Variants in SAMD11 observed in about 807,000 individuals in gnomAD.
SAMD11 encodes sterile alpha motif domain-containing protein 11.
In SAMD11, 77 loss-of-function variants were observed where a neutral mutation model predicts 64.4. That is an observed-to-expected ratio of 1.20 (90% CI 0.99 to 1.44). SAMD11 has a LOEUF of 1.44. Ranked by LOEUF, SAMD11 falls within the 40% of genes most tolerant of loss-of-function variation. The probability of loss-of-function intolerance (pLI) is 0.00; values close to 1 mark genes in which losing one functional copy is unlikely to be tolerated. For missense variants in SAMD11, 1,402 were observed against 943.3 expected (o/e 1.49, Z -6.37); for synonymous variants, 658 against 421.9 (o/e 1.56, Z -6.86).
intron 5 of SAMD11, among the ~76,000 whole-genome samples, chr1:938,086 G>C (rs1284792691): frequency 6.6e-6 from 1 of 152,014 alleles, no homozygotes; most frequent in Non-Finnish European, 1.5e-5. Context: ...GCACTGGCTG[G>C]CCTGGGAGAC....
intron 4 of SAMD11, 114 bp downstream of exon 4, chr1:931,203 T>A: frequency 1.0e-6 from 1 of 953,166 alleles, no homozygotes; most frequent in Non-Finnish European, 1.6e-6. Flanking sequence ...GCTGATGCTG[T>A]GATGCTGGCT....
intron 3 of SAMD11, 89 bp from the exon 4 acceptor site, chr1:930,950 C>T (rs1641138477): frequency 1.5e-6 from 2 of 1,341,232 alleles, no homozygotes; most frequent in Admixed American, 3.4e-5. Flanking sequence ...GGGCACTGAC[C>T]CGAGACAGGT....
At chr1:930,901 C>T in intron 3 of SAMD11, 138 bp from the exon 4 acceptor site, 2 of 807,132 alleles carry the variant, frequency 2.5e-6, no homozygotes, top group Admixed American at 1.9e-5. Context: ...CTGGGCATGG[C>T]AGCCGCCCTC....
At chr1:928,019 C>T (rs1640975425) in intron 2 of SAMD11, among the ~76,000 whole-genome samples, 1 of 152,256 alleles carries the variant, frequency 6.6e-6, no homozygotes. Context: ...AAGGGGCAGT[C>T]TTCTGGTCCT....
At chr1:941,884 C>G (rs558973910) in intron 8 of SAMD11, among the ~76,000 whole-genome samples, 4 of 152,202 alleles carry the variant, frequency 2.6e-5, no homozygotes, top group East Asian at 1.9e-4. Context: ...GGGGAGCAGG[C>G]GGGGCCGGCG....
chr1:927,950 C>T (rs1357306282), intron 2 of SAMD11, among the ~76,000 whole-genome samples: 1 of 152,256 alleles, frequency 6.6e-6, no homozygotes, highest in Non-Finnish European at 1.5e-5. Flanking sequence ...CTGCGCATCA[C>T]GGGGCTGAGG....
intron 5 of SAMD11, 133 bp downstream of exon 5, chr1:936,029 C>T: frequency 2.2e-6 from 2 of 923,868 alleles, no homozygotes; most frequent in South Asian, 1.6e-5. Context: ...CCAGGGGCTG[C>T]ATGGGATGGT....
chr1:937,775 T>G (rs1641536362), intron 5 of SAMD11, among the ~76,000 whole-genome samples: 1 of 152,186 alleles, frequency 6.6e-6, no homozygotes, highest in African/African-American at 2.4e-5. Flanking sequence ...GGACTGACCC[T>G]CTCTCTGGGG....
chr1:939,561 G>T, intron 7 of SAMD11, 149 bp downstream of exon 7: 1 of 901,738 alleles, frequency 1.1e-6, no homozygotes, highest in Non-Finnish European at 1.6e-6. Context: ...AGGCCAGGCT[G>T]GATGCAGGTC....
chr1:942,539 C>A lies in SAMD11; in HGVS notation c.1554-20C>A. ...CGCGCGGCCCGGGAGGCGGCTGACC[C>A]GCGTCTGCCCCCGGCCCAGGCTGGA... is the stretch of plus-strand genomic sequence containing the variant. On this transcript the variant is annotated intron_variant, in intron 10 of 13. Coordinates refer to ENST00000616016, the MANE Select transcript of SAMD11 (RefSeq NM_001385641.1). The A allele has an allele frequency of 1.4e-6, 2 of 1,406,970 alleles. No individual in the cohort carries two copies. The highest frequency in any genetic ancestry group is 1.5e-5 in the South Asian group (1 of 65,160). The allele number at this position is 1,406,970 out of a possible 1,614,324, so 87.2% of individuals were successfully genotyped here.
intron 4 of SAMD11, among the ~76,000 whole-genome samples, chr1:932,591 C>A (rs780655912): frequency 7.5e-6 from 1 of 133,464 alleles, no homozygotes; most frequent in Non-Finnish European, 1.7e-5. Context: ...TGAACCCACA[C>A]GGGCTCCCAG....
chr1:943,482 T>C (rs2100364738), intron 12 of SAMD11, 105 bp downstream of exon 12: 3 of 1,057,658 alleles, frequency 2.8e-6, no homozygotes, highest in Non-Finnish European at 2.7e-6. Flanking sequence ...GCCCTCTCCC[T>C]CCCCAAAAGC....
intron 8 of SAMD11, 109 bp downstream of exon 8, chr1:941,415 TA>T: frequency 8.8e-7 from 1 of 1,141,718 alleles, no homozygotes; most frequent in South Asian, 1.6e-5. Context: ...TGTTCAGCTC[TA>T]GGTTCGGGTC....
chr1:930,244 C>T lies in SAMD11; in HGVS notation c.699C>T (p.Ser233=), dbSNP rs777848064. 12 of 1,602,514 alleles carry T rather than the reference C, an allele frequency of 7.5e-6. No homozygotes were observed. Among genetic ancestry groups the T allele is most frequent in the Middle Eastern group, 3.3e-4 (2 of 6,066 alleles). The change falls in exon 3 of 14, where the codon AGC becomes AGT. Residue 233 remains serine (S), a synonymous_variant. Coordinates refer to ENST00000616016, the MANE Select transcript of SAMD11 (RefSeq NM_001385641.1). The part of the protein sequence containing the change: ...KKERTPSFSA[S]DGDSDGSGPT... ...AGCGAACTCCCAGCTTCTCTGCCAGCGATGGTGACAGCGACGGGAGTGGCC... is the reference window on the plus strand; with the variant it reads ...AGCGAACTCCCAGCTTCTCTGCCAGTGATGGTGACAGCGACGGGAGTGGCC...
intron 5 of SAMD11, among the ~76,000 whole-genome samples, chr1:936,689 G>A (rs998005185): frequency 6.6e-6 from 1 of 152,124 alleles, no homozygotes; most frequent in African/African-American, 2.4e-5. Context: ...AAGGAGGGGT[G>A]GGGGAGGCCC....
chr1:932,195 G>A (rs973727795), intron 4 of SAMD11, among the ~76,000 whole-genome samples: 61 of 152,328 alleles, frequency 4.0e-4, no homozygotes, highest in African/African-American at 1.4e-3. Flanking sequence ...CATTTTATGA[G>A]CCTTTTACAT....
At position 944,321 on chromosome 1, in the gene SAMD11, G is replaced by A; in HGVS notation, c.*168G>A. On this transcript the variant is annotated 3_prime_UTR_variant, in exon 14 of 14. Transcript: ENST00000616016. The stretch of plus-strand genomic sequence containing the variant: ...GGAACAAATTTTCAAAGACTTGGGG[G>A]AGTGAAGGCAGAGCCTGGTGCAGAT... The A allele has an allele frequency of 7.2e-7, 1 of 1,389,216 alleles. No homozygotes were observed. Among genetic ancestry groups the A allele is most frequent in the Non-Finnish European group, 9.3e-7 (1 of 1,078,672 alleles). 86.1% of individuals were successfully genotyped at this position (1,389,216 alleles called of 1,614,324 possible). A position where few individuals can be genotyped will look rare whatever the true frequency, so the allele number is the denominator to read the frequency against.
At position 943,305 on chromosome 1, in the gene SAMD11, C is replaced by G. The variant is rs751063990; in HGVS notation, c.2106C>G (p.Asp702Glu). Residue 702 changes from aspartate (D) to glutamate (E), a missense_variant, in exon 12 of 14, where the codon GAC becomes GAG. Transcript: ENST00000616016. The part of the protein sequence containing the change: ...MDGEEAPAPE[D>E]VTKWTVDDVC... ...GGGAGGAGGCCCCAGCCCCTGAGGA[C>G]GTCACCAAGTGGACCGTGGATGACG... 2 of 1,612,282 alleles carry G rather than the reference C, an allele frequency of 1.2e-6. No individual in the cohort carries two copies. The highest frequency in any genetic ancestry group is 3.3e-5 in the Admixed American group (2 of 59,920).
In SAMD11 at chr1:943,291, C is replaced by G; in HGVS notation, c.2092C>G (p.Pro698Ala). ...ACTCTCCATGGATGGGGAGGAGGCC[C>G]CAGCCCCTGAGGACGTCACCAAGTG... ...GGLSMDGEEA[P>A]APEDVTKWTV... is the part of the protein sequence containing the mutation. Residue 698 changes from proline (P) to alanine (A), a missense_variant, in exon 12 of 14, where the codon CCA becomes GCA. Transcript: ENST00000616016. 6.2e-7 allele frequency: 1 copy of G among 1,612,720 alleles called. No individual in the cohort carries two copies. Among genetic ancestry groups the G allele is most frequent in the South Asian group, 1.1e-5 (1 of 91,060 alleles).
Sources: allele counts gnomAD v4.1 joint callset (sites outside exome capture counted in the v4.1 genomes callset), GRCh38; gene constraint gnomAD v4.1.1; transcripts MANE v1.5; gene names NCBI Gene and HGNC (gene_info 2026-07-23, HGNC 2026-07-21).